Variants in IFI16 observed in about 807,000 individuals in gnomAD.
IFI16 encodes gamma-interferon-inducible protein 16.
In IFI16, 49 loss-of-function variants were observed where a neutral mutation model predicts 68.4. The observed-to-expected ratio is 0.72, with a 90% CI of 0.57 to 0.91. IFI16 has a LOEUF of 0.91. Ranked by LOEUF, IFI16 falls within the 40% of genes least tolerant of loss-of-function variation. The pLI is 0.00. For missense variants in IFI16, 878 were observed against 942.9 expected (o/e 0.93, Z 0.90); for synonymous variants, 307 against 315.0 (o/e 0.97, Z 0.27).
intron 6 of IFI16, among the ~76,000 whole-genome samples, chr1:159,028,694 G>A (rs1653812774): frequency 6.6e-6 from 1 of 152,130 alleles, no homozygotes; most frequent in Non-Finnish European, 1.5e-5. Context: ...AAATTTGGGA[G>A]CTCCAGTGTT....
intron 1 of IFI16, among the ~76,000 whole-genome samples, chr1:159,012,766 C>T (rs1652650188): frequency 1.3e-5 from 2 of 152,122 alleles, no homozygotes; most frequent in Non-Finnish European, 2.9e-5. Context: ...GGCGGGAAGG[C>T]ATGTCTGGGG....
chr1:159,034,923 C>T (rs975282265), intron 7 of IFI16, among the ~76,000 whole-genome samples: 6 of 152,186 alleles, frequency 3.9e-5, no homozygotes, highest in Admixed American at 3.9e-4. Flanking sequence ...TTCCAGATTA[C>T]CTTTTGCTCA....
chr1:159,001,083 A>G (rs1652042163), upstream of IFI16, among the ~76,000 whole-genome samples: 1 of 152,244 alleles, frequency 6.6e-6, no homozygotes, highest in South Asian at 2.1e-4. Context: ...AAAATTAAAC[A>G]TAATACTTCC....
chr1:159,015,814 C>T (rs1571835881), intron 2 of IFI16, 58 bp from the exon 3 acceptor site: 5 of 1,255,356 alleles, frequency 4.0e-6, no homozygotes, highest in Non-Finnish European at 3.5e-6. Flanking sequence ...TGTCGGAGAT[C>T]GTTTATATGT....
intron 6 of IFI16, among the ~76,000 whole-genome samples, chr1:159,024,684 G>A (rs1296746636): frequency 1.3e-5 from 2 of 152,162 alleles, no homozygotes; most frequent in African/African-American, 4.8e-5. Flanking sequence ...GAAAAGGCTA[G>A]CTGTCGTTAA....
chr1:159,013,846 T>C (rs1652745363), intron 1 of IFI16, among the ~76,000 whole-genome samples: 1 of 152,190 alleles, frequency 6.6e-6, no homozygotes, highest in Non-Finnish European at 1.5e-5. Context: ...TGCAGCTTAT[T>C]CAACACTTTC....
intron 6 of IFI16, among the ~76,000 whole-genome samples, chr1:159,026,258 A>G (rs1653660251): frequency 6.7e-6 from 1 of 148,152 alleles, no homozygotes; most frequent in African/African-American, 2.5e-5. Context: ...TTGAATTTGT[A>G]GATTGCTTTT....
intron 6 of IFI16, among the ~76,000 whole-genome samples, chr1:159,023,216 T>A (rs892383583): frequency 9.2e-5 from 14 of 152,234 alleles, no homozygotes; most frequent in Non-Finnish European, 1.3e-4. Flanking sequence ...TGTTAATCCT[T>A]GTAGCACTTT....
At chr1:159,023,523 A>C (rs1226184414) in intron 6 of IFI16, among the ~76,000 whole-genome samples, 3 of 152,180 alleles carry the variant, frequency 2.0e-5, no homozygotes, top group Non-Finnish European at 4.4e-5. Flanking sequence ...TGTGCTTTAA[A>C]CTTATTTGGC....
Position 159,018,313 on chromosome 1 carries a change from A to G in IFI16, c.634A>G (p.Thr212Ala). ...CCCAGTGATAGTGAAGGTACTGAGT[A>G]CAACAAAGCCATTTGAATATGAGAC... ...KRPVIVKVLS[T>A]TKPFEYETPE... The change falls in exon 5 of 12, where the codon ACA (threonine) becomes GCA (alanine). Residue 212 changes from threonine to alanine, a missense_variant. Coordinates refer to ENST00000295809, the MANE Select transcript of IFI16 (RefSeq NM_001376587.1). 6.2e-7 allele frequency: 1 copy of G among 1,614,048 alleles called. No individual in the cohort carries two copies. Among genetic ancestry groups the G allele is most frequent in the East Asian group, 2.2e-5 (1 of 44,884 alleles).
intron 8 of IFI16, among the ~76,000 whole-genome samples, chr1:159,048,445 A>G (rs1373294117): frequency 1.3e-5 from 2 of 151,540 alleles, no homozygotes; most frequent in Non-Finnish European, 3.0e-5. Context: ...AAATGTTAAC[A>G]TTTAAAATGT....
At chr1:159,034,705 A>G (rs1360993196) in intron 7 of IFI16, among the ~76,000 whole-genome samples, 1 of 152,114 alleles carries the variant, frequency 6.6e-6, no homozygotes, top group Non-Finnish European at 1.5e-5. Context: ...ATTAGGTGAG[A>G]TCCTCCCATA....
chr1:159,050,433 G>C (rs1655276079), intron 9 of IFI16, among the ~76,000 whole-genome samples: 1 of 152,154 alleles, frequency 6.6e-6, no homozygotes, highest in Admixed American at 6.5e-5. Context: ...GCTATTGTGA[G>C]GTGATTTGAT....
At chr1:159,044,000 A>C (rs2101905672) in intron 7 of IFI16, among the ~76,000 whole-genome samples, 1 of 152,316 alleles carries the variant, frequency 6.6e-6, no homozygotes, top group Non-Finnish European at 1.5e-5. Flanking sequence ...GGCATCATAA[A>C]GCATGAAATA....
chr1:159,041,342 T>A (rs527793185), intron 7 of IFI16, among the ~76,000 whole-genome samples: 5 of 152,172 alleles, frequency 3.3e-5, no homozygotes, highest in Non-Finnish European at 7.3e-5. Flanking sequence ...CGATTGAGAA[T>A]CTTGACGATT....
intron 6 of IFI16, among the ~76,000 whole-genome samples, chr1:159,024,309 A>T (rs948022713): frequency 1.3e-5 from 2 of 152,148 alleles, no homozygotes; most frequent in Non-Finnish European, 2.9e-5. Context: ...TGCGTGTTTT[A>T]AAAACACCTA....
intron 6 of IFI16, among the ~76,000 whole-genome samples, chr1:159,024,362 G>A (rs1375684603): frequency 1.3e-5 from 2 of 152,146 alleles, no homozygotes; most frequent in East Asian, 1.9e-4. Flanking sequence ...CCATCTAAGC[G>A]ACCAAGGGCA....
At chr1:159,013,758 G>A (rs1453266953) in intron 1 of IFI16, among the ~76,000 whole-genome samples, 1 of 152,098 alleles carries the variant, frequency 6.6e-6, no homozygotes, top group South Asian at 2.1e-4. Flanking sequence ...AAAGTCATGA[G>A]GCATGAAGAC....
chr1:159,004,747 A>G (rs1026166329), upstream of IFI16, among the ~76,000 whole-genome samples: 1 of 152,222 alleles, frequency 6.6e-6, no homozygotes, highest in African/African-American at 2.4e-5. Flanking sequence ...ATTACTGACA[A>G]CAGTAGAGAA....
Sources: gnomAD v4.1 joint callset for allele counts (sites outside exome capture counted in the v4.1 genomes callset) on GRCh38, gnomAD v4.1.1 for gene constraint, MANE v1.5 for transcripts, NCBI Gene and HGNC (gene_info 2026-07-23, HGNC 2026-07-21) for gene names.